Variants in UBR1 observed in about 807,000 individuals in gnomAD.
The protein encoded by UBR1 is ubiquitin protein ligase E3 component n-recognin 1.
In UBR1, 102 loss-of-function variants were observed where a neutral mutation model predicts 242.1. The observed-to-expected ratio is 0.42, with a 90% CI of 0.36 to 0.50. The LOEUF (loss-of-function observed/expected upper bound fraction) is 0.50, where lower values mean the gene tolerates loss of function less well. Among genes scored for constraint, UBR1 ranks in the 20% least tolerant of loss-of-function variants. The probability of loss-of-function intolerance (pLI) is 0.01; values close to 1 mark genes in which losing one functional copy is unlikely to be tolerated. For missense variants in UBR1, 1,772 were observed against 2,101.8 expected, an observed-to-expected ratio of 0.84 and a Z score of 3.07; for synonymous variants, 675 against 684.8, an observed-to-expected ratio of 0.99 and a Z score of 0.22.
At chr15:43,026,759 T>C (rs1596107895) in intron 22 of UBR1, 96 bp from the exon 23 acceptor site, 1 of 1,061,836 alleles carries the variant, frequency 9.4e-7, no homozygotes, top group East Asian at 2.5e-5. Flanking sequence ...AAGTCAAATA[T>C]ACAGAAAAAA....
intron 32 of UBR1, 59 bp downstream of exon 32, chr15:43,002,496 C>A: frequency 6.4e-7 from 1 of 1,564,650 alleles, no homozygotes. Context: ...GCTGGGATCA[C>A]AGGCCACTGC....
At chr15:43,081,572 T>C (rs2033975638) in intron 3 of UBR1, among the ~76,000 whole-genome samples, 1 of 152,196 alleles carries the variant, frequency 6.6e-6, no homozygotes, top group Non-Finnish European at 1.5e-5. Flanking sequence ...CAAATGATGT[T>C]GAGCATCTTT....
intron 46 of UBR1, among the ~76,000 whole-genome samples, chr15:42,948,203 G>A (rs2031768984): frequency 6.6e-6 from 1 of 152,118 alleles, no homozygotes; most frequent in African/African-American, 2.4e-5. Context: ...TTTAATAAAT[G>A]GTGCTGGGAA....
Position 43,002,646 on chromosome 15 carries a change from A to G in UBR1, c.3568T>C (p.Leu1190=), listed in dbSNP as rs2032743781. The G allele has an allele frequency of 1.2e-6, 2 of 1,614,094 alleles. No individual in the cohort carries two copies. Among genetic ancestry groups the G allele is most frequent in the African/African-American group, 1.3e-5 (1 of 74,932 alleles). The change falls in exon 32 of 47, where the codon TTG becomes CTG. Residue 1190 remains leucine (L), a synonymous_variant. Coordinates refer to ENST00000290650, the MANE Select transcript of UBR1 (RefSeq NM_174916.3). The stretch of plus-strand genomic sequence containing the variant: ...GGGCAAAGATATTCTCCACTTTCCA[A>G]GTCAAAAAGGTCAACATGAATGCGC... The part of the protein sequence containing the change: ...QQRIHVDLFD[L]ESGEYLCPLC...
chr15:42,978,287 T>G (rs1300957632), intron 37 of UBR1, among the ~76,000 whole-genome samples: 2 of 152,234 alleles, frequency 1.3e-5, no homozygotes, highest in Admixed American at 1.3e-4. Flanking sequence ...TCACTTGTTT[T>G]CTGACTTCCA....
intron 37 of UBR1, 73 bp downstream of exon 37, chr15:42,983,824 C>T: frequency 2.1e-6 from 2 of 963,898 alleles, no homozygotes; most frequent in South Asian, 2.9e-5. Context: ...TAATGAAATA[C>T]ACTGCCAGAA....
chr15:43,023,906 C>G (rs139749048), intron 25 of UBR1, among the ~76,000 whole-genome samples: 1 of 152,094 alleles, frequency 6.6e-6, no homozygotes, highest in Non-Finnish European at 1.5e-5. Flanking sequence ...TGTATAAGAA[C>G]GTACATTTTA....
chr15:43,101,151 G>A (rs1414977204), intron 1 of UBR1, among the ~76,000 whole-genome samples: 1 of 152,208 alleles, frequency 6.6e-6, no homozygotes, highest in Non-Finnish European at 1.5e-5. Context: ...TGAGTGAGGA[G>A]AATGTAACAG....
intron 1 of UBR1, among the ~76,000 whole-genome samples, chr15:43,093,455 A>C (rs746634795): frequency 3.3e-5 from 5 of 152,128 alleles, no homozygotes; most frequent in Non-Finnish European, 7.3e-5. Flanking sequence ...TGATTATACA[A>C]TGTTTTCTTC....
intron 42 of UBR1, among the ~76,000 whole-genome samples, chr15:42,962,040 C>A (rs1209323302): frequency 1.3e-5 from 2 of 151,888 alleles, no homozygotes; most frequent in Non-Finnish European, 2.9e-5. Flanking sequence ...AGCCACCGCA[C>A]CCAACCTTAT....
At chr15:43,040,817 T>G (rs2033408323) in intron 15 of UBR1, among the ~76,000 whole-genome samples, 1 of 152,196 alleles carries the variant, frequency 6.6e-6, no homozygotes, top group Admixed American at 6.5e-5. Flanking sequence ...AAGACATTTA[T>G]GCAGCCAACA....
intron 14 of UBR1, among the ~76,000 whole-genome samples, chr15:43,045,483 C>T (rs961929152): frequency 1.3e-5 from 2 of 151,982 alleles, no homozygotes; most frequent in Admixed American, 6.6e-5. Context: ...CACACACACA[C>T]ACTCACACAC....
At chr15:42,996,337 C>T (rs2032638870) in intron 33 of UBR1, among the ~76,000 whole-genome samples, 1 of 152,180 alleles carries the variant, frequency 6.6e-6, no homozygotes, top group African/African-American at 2.4e-5. Context: ...TGGCTCATGC[C>T]TGTAATCCTG....
chr15:43,021,205 A>C (rs1450206785), intron 27 of UBR1, 70 bp downstream of exon 27: 5 of 1,288,366 alleles, frequency 3.9e-6, no homozygotes, highest in Non-Finnish European at 5.6e-6. Flanking sequence ...CAGTGGTTTA[A>C]CACTGGAGGC....
chr15:42,995,983 AG>A (rs2032632146), intron 33 of UBR1, among the ~76,000 whole-genome samples: 1 of 152,172 alleles, frequency 6.6e-6, no homozygotes, highest in African/African-American at 2.4e-5. Flanking sequence ...CTCTCAACTA[AG>A]GTAGGCCAGG....
At chr15:43,044,935 A>G (rs566374206) in intron 14 of UBR1, among the ~76,000 whole-genome samples, 1 of 152,138 alleles carries the variant, frequency 6.6e-6, no homozygotes. Context: ...TAGCTTTAAA[A>G]GAAAAAAAAA....
At chr15:43,066,004 C>T (rs1001222464) in intron 6 of UBR1, among the ~76,000 whole-genome samples, 3 of 152,110 alleles carry the variant, frequency 2.0e-5, no homozygotes, top group African/African-American at 7.2e-5. Context: ...GCTTTTGTTG[C>T]AATTGCTTTT....
In UBR1 at chr15:42,945,206, T is replaced by C; in HGVS notation, c.*123A>G. 1 of 1,322,686 alleles carries C rather than the reference T, an allele frequency of 7.6e-7. No individual in the cohort carries two copies. The allele number at this position is 1,322,686 out of a possible 1,614,324, so 81.9% of individuals were successfully genotyped here. On this transcript the variant is annotated 3_prime_UTR_variant, in exon 47 of 47. Coordinates refer to ENST00000290650, the MANE Select transcript of UBR1 (RefSeq NM_174916.3). ...TTAAGAAATATTTTATTGATGTAAG[T>C]GAACCTGGACATGGAGCAAAAGACC...
At position 43,093,819 on chromosome 15, in the gene UBR1, G is replaced by C. The variant is rs150189765; in HGVS notation, c.82-7579C>G. Among the ~76,000 whole-genome samples, 647 of 144,082 alleles carry C rather than the reference G, an allele frequency of 4.5e-3. 7 individuals are homozygous for C. The highest frequency in any genetic ancestry group is 0.044 in the East Asian group (218 of 4,980). The allele number at this position is 144,082 out of a possible 152,430, so 94.5% of individuals were successfully genotyped here. ...AAAAAAAAAAAAAAAAAACCAAAAAGGCAAGCTCATAACTAAGCTAAAATC... is the reference window on the plus strand; with the variant it reads ...AAAAAAAAAAAAAAAAAACCAAAAACGCAAGCTCATAACTAAGCTAAAATC... On this transcript the variant is annotated intron_variant, in intron 1 of 46. Transcript: ENST00000290650.
Sources: allele counts gnomAD v4.1 joint callset (sites outside exome capture counted in the v4.1 genomes callset), GRCh38; gene constraint gnomAD v4.1.1; transcripts MANE v1.5; gene names NCBI Gene and HGNC (gene_info 2026-07-23, HGNC 2026-07-21).